Variants in CYTH1 observed in about 807,000 individuals in gnomAD.
CYTH1 encodes cytohesin-1.
Under a neutral mutation model 61.8 loss-of-function variants are expected in CYTH1, and 18 were observed. The ratio of observed to expected loss-of-function variants is 0.29; its 90% CI spans 0.20 to 0.43. The LOEUF (loss-of-function observed/expected upper bound fraction) is 0.43, where lower values mean the gene tolerates loss of function less well. CYTH1 is among the 20% of genes least tolerant of loss of function. The pLI, the probability that CYTH1 is intolerant of heterozygous loss-of-function variation, is 1.00. For missense variants in CYTH1, 336 were observed against 510.5 expected (o/e 0.66, Z 3.29); for synonymous variants, 174 against 184.3 (o/e 0.94, Z 0.45).
intron 4 of CYTH1, 42 bp downstream of exon 4, chr17:78,702,496 C>G: frequency 6.3e-7 from 1 of 1,597,836 alleles, no homozygotes; most frequent in Non-Finnish European, 8.6e-7. Context: ...TATAAAAAAA[C>G]CCCATCTAAT....
chr17:78,743,572 A>G (rs1008619368), intron 1 of CYTH1, among the ~76,000 whole-genome samples: 4 of 152,224 alleles, frequency 2.6e-5, no homozygotes, highest in African/African-American at 9.6e-5. Context: ...AAATCCAAAA[A>G]AATACTGAAA....
chr17:78,760,236 G>A (rs573074397), intron 1 of CYTH1, among the ~76,000 whole-genome samples: 1 of 150,848 alleles, frequency 6.6e-6, no homozygotes, highest in African/African-American at 2.4e-5. Flanking sequence ...CATGTGGAAC[G>A]GAAAATACAT....
At chr17:78,763,302 C>CAA (rs879854633) in intron 1 of CYTH1, among the ~76,000 whole-genome samples, 1 of 100,078 alleles carries the variant, frequency 1.0e-5, no homozygotes, top group African/African-American at 3.6e-5. Context: ...GAGGCCGTGC[C>CAA]AAAAAAAAAA....
chr17:78,751,962 C>T (rs982307467), intron 1 of CYTH1, among the ~76,000 whole-genome samples: 3 of 152,140 alleles, frequency 2.0e-5, no homozygotes, highest in Non-Finnish European at 4.4e-5. Context: ...TTTCGAAACC[C>T]TGACCTCGAA....
chr17:78,728,853 A>G (rs1201616675), intron 1 of CYTH1, among the ~76,000 whole-genome samples: 1 of 152,232 alleles, frequency 6.6e-6, no homozygotes, highest in Non-Finnish European at 1.5e-5. Flanking sequence ...ATAAATAGCC[A>G]GCTAGCCATT....
In CYTH1 at chr17:78,690,311, G is replaced by A. The variant is rs183860121; in HGVS notation, c.891+2106C>T. On this transcript the variant is annotated intron_variant, in intron 11 of 13. Transcript: ENST00000446868. ...CCGGAGGCCGAGGCAGGAGAATGGC[G>A]TGAGCCCGGGAGGCGGAGCTTGCAG... is the stretch of plus-strand genomic sequence containing the variant. Among the ~76,000 whole-genome samples, 96 of 144,934 alleles carry A rather than the reference G, an allele frequency of 6.6e-4. 1 individual carries two copies. Among genetic ancestry groups the A allele is most frequent in the African/African-American group, 2.2e-3 (85 of 39,256 alleles).
chr17:78,766,486 C>CT (rs1282925927), intron 1 of CYTH1, among the ~76,000 whole-genome samples: 1 of 152,150 alleles, frequency 6.6e-6, no homozygotes, highest in Non-Finnish European at 1.5e-5. Context: ...ACCAGAGTCC[C>CT]TGGAAGGAAA....
At chr17:78,698,440 T>C (rs2092970134) in intron 8 of CYTH1, 60 bp from the exon 9 acceptor site, 2 of 1,316,044 alleles carry the variant, frequency 1.5e-6, no homozygotes, top group African/African-American at 1.5e-5. Context: ...CCTCCTCCCC[T>C]TTCTCTTCAT....
At chr17:78,713,863 T>G (rs2093158423) in intron 1 of CYTH1, among the ~76,000 whole-genome samples, 1 of 152,146 alleles carries the variant, frequency 6.6e-6, no homozygotes, top group Non-Finnish European at 1.5e-5. Flanking sequence ...CTTTTCAGAA[T>G]CTGAGCACTC....
chr17:78,749,677 T>C (rs560352757), intron 1 of CYTH1, among the ~76,000 whole-genome samples: 145 of 151,902 alleles, frequency 9.5e-4, no homozygotes, highest in African/African-American at 3.4e-3. Flanking sequence ...AAAAAAAACC[T>C]AACTAAGCAG....
chr17:78,735,613 G>A (rs149556263), intron 1 of CYTH1, among the ~76,000 whole-genome samples: 49 of 152,308 alleles, frequency 3.2e-4, no homozygotes, highest in African/African-American at 1.2e-3. Context: ...AGTGTCGCCC[G>A]TGGACACTGT....
intron 1 of CYTH1, among the ~76,000 whole-genome samples, chr17:78,766,132 G>A (rs1013582537): frequency 5.4e-5 from 8 of 148,466 alleles, no homozygotes; most frequent in African/African-American, 2.0e-4. Flanking sequence ...TCTAGCAGGA[G>A]ACAAAGCTTC....
intron 1 of CYTH1, among the ~76,000 whole-genome samples, chr17:78,729,091 A>G (rs2093280606): frequency 6.6e-6 from 1 of 152,212 alleles, no homozygotes; most frequent in Non-Finnish European, 1.5e-5. Flanking sequence ...CAAAGGGTTA[A>G]TATCTTTTTT....
chr17:78,743,959 AC>A (rs1464847428), intron 1 of CYTH1, among the ~76,000 whole-genome samples: 1 of 152,150 alleles, frequency 6.6e-6, no homozygotes, highest in East Asian at 1.9e-4. Flanking sequence ...TTTTGCTTAG[AC>A]TAGTTACCCA....
Position 78,702,560 on chromosome 17 carries a change from T to C in CYTH1, c.215A>G (p.Lys72Arg), listed in dbSNP as rs766382307. 16 of 1,614,032 alleles carry C rather than the reference T, an allele frequency of 9.9e-6. No homozygotes were observed. The highest frequency in any genetic ancestry group is 1.4e-5 in the Non-Finnish European group (16 of 1,180,026). ...TACCTTTTTAGGGTCCATATTAAATTTTTTCCTGCCCATGGCTACCTGTTT... is the reference window on the plus strand; with the variant it reads ...TACCTTTTTAGGGTCCATATTAAATCTTTTCCTGCCCATGGCTACCTGTTT... ...RNKQVAMGRK[K>R]FNMDPKKGIQ... Residue 72 changes from lysine (K) to arginine (R), a missense_variant, in exon 4 of 14, where the codon AAA (lysine) becomes AGA (arginine). By Grantham distance (26) the Lys-to-Arg change is conservative. Around this residue, in one of 4 missense-constraint regions of CYTH1, gnomAD observed 112 missense variants for 127.1 expected, o/e 0.88. Transcript: ENST00000446868.
Position 78,676,075 on chromosome 17 carries a change from G to A in CYTH1, c.*16C>T, listed in dbSNP as rs200893341. 17 of 1,600,556 alleles carry A rather than the reference G, an allele frequency of 1.1e-5. No homozygotes were observed. Among genetic ancestry groups the A allele is most frequent in the Admixed American group, 3.5e-5 (2 of 57,674 alleles). Reference sequence around the variant, plus strand: ...AGCTCCAAGGCCCCCGCAGACCAACGCCCTTGGCTGCACGCTCAGTGTCGC... The same window carrying A: ...AGCTCCAAGGCCCCCGCAGACCAACACCCTTGGCTGCACGCTCAGTGTCGC... On this transcript the variant is annotated 3_prime_UTR_variant, in exon 14 of 14. Coordinates refer to ENST00000446868, the MANE Select transcript of CYTH1 (RefSeq NM_004762.6).
intron 1 of CYTH1, among the ~76,000 whole-genome samples, chr17:78,763,083 C>T (rs2093434973): frequency 6.6e-6 from 1 of 152,130 alleles, no homozygotes; most frequent in African/African-American, 2.4e-5. Context: ...GTGGCTCACG[C>T]CTGTAATCCC....
intron 1 of CYTH1, among the ~76,000 whole-genome samples, chr17:78,735,642 A>C (rs543028313): frequency 6.6e-6 from 1 of 152,314 alleles, no homozygotes; most frequent in African/African-American, 2.4e-5. Flanking sequence ...ATTTGCACTT[A>C]GAGGTGGGGC....
At chr17:78,691,671 A>G (rs2092887903) in intron 11 of CYTH1, 1 of 152,236 alleles carries the variant, frequency 6.6e-6, no homozygotes, top group Admixed American at 6.5e-5. Flanking sequence ...TGACCAAGAA[A>G]GGTGGCAGAA....
Sources: gnomAD v4.1 joint callset for allele counts (sites outside exome capture counted in the v4.1 genomes callset) on GRCh38, gnomAD v4.1.1 for gene constraint, gnomAD v4.1.1 regional missense constraint, MANE v1.5 for transcripts, NCBI Gene and HGNC (gene_info 2026-07-23, HGNC 2026-07-21) for gene names.